The following ANK3 variants were observed in gnomAD, a reference collection of about 807,000 sequenced individuals.
ANK3 encodes the protein ankyrin 3.
A neutral mutation model predicts 370.9 loss-of-function variants in ANK3; 57 were observed. That is an observed-to-expected ratio of 0.15 (90% CI 0.12 to 0.19). The LOEUF is 0.19. Ranked by LOEUF, ANK3 falls within the 10% of genes least tolerant of loss-of-function variation. The pLI, the probability that ANK3 is intolerant of heterozygous loss-of-function variation, is 1.00. For synonymous variants in ANK3, 1,929 were observed against 1,946.3 expected (o/e 0.99, Z 0.23); for missense variants, 4,439 against 5,302.1 (o/e 0.84, Z 5.06).
At chr10:60,249,854 C>T (rs1239805456) in intron 7 of ANK3, among the ~76,000 whole-genome samples, 1 of 152,150 alleles carries the variant, frequency 6.6e-6, no homozygotes, top group Non-Finnish European at 1.5e-5. Context: ...CATGCCCCAC[C>T]AGCTCCACAG....
At chr10:60,210,145 C>A (rs1006481548) in intron 9 of ANK3, among the ~76,000 whole-genome samples, 3 of 152,092 alleles carry the variant, frequency 2.0e-5, no homozygotes, top group Non-Finnish European at 2.9e-5. Context: ...CTGTGTTCTG[C>A]GCATGAAAAT....
At chr10:60,282,844 A>G (rs1593017305) in intron 1 of ANK3, among the ~76,000 whole-genome samples, 2 of 152,284 alleles carry the variant, frequency 1.3e-5, no homozygotes, top group African/African-American at 2.4e-5. Context: ...AAGGGGGAAA[A>G]TGTAGAGAAA....
chr10:60,372,656 G>A (rs1354307988), intron 1 of ANK3, among the ~76,000 whole-genome samples: 2 of 152,174 alleles, frequency 1.3e-5, no homozygotes, highest in East Asian at 3.9e-4. Flanking sequence ...GCATAGAGCT[G>A]TTGTCAAGGA....
intron 1 of ANK3, among the ~76,000 whole-genome samples, chr10:60,722,746 A>T (rs10761551): frequency 0.31 from 47,379 of 151,928 alleles, 7,689 homozygotes; most frequent in South Asian, 0.48. Flanking sequence ...GATGAGTGAG[A>T]TCTCACTCAG....
intron 23 of ANK3, among the ~76,000 whole-genome samples, chr10:60,162,381 T>C (rs1329568324): frequency 6.6e-6 from 1 of 152,136 alleles, no homozygotes; most frequent in Non-Finnish European, 1.5e-5. Context: ...ACAAACCTCA[T>C]TGGAAAGACC....
Position 60,076,289 on chromosome 10 carries a change from G to A in ANK3, c.4592C>T (p.Thr1531Met), listed in dbSNP as rs1415381391. The change falls in exon 37 of 44, where the codon ACG becomes ATG. Residue 1531 changes from threonine (T) to methionine (M), a missense_variant. Thr to Met is a moderately conservative substitution (Grantham distance 81, BLOSUM62 -1). Around this residue, in one of 13 missense-constraint regions of ANK3, gnomAD observed 679 missense variants for 791.0 expected, o/e 0.86. Coordinates refer to ENST00000280772, the MANE Select transcript of ANK3 (RefSeq NM_020987.5). Reference sequence around the variant, plus strand: ...TGATTTTAACGGAGAAGCTGATGGCGTATTAGAGGAAGAACTTGATAAGGA... The same window carrying A: ...TGATTTTAACGGAGAAGCTGATGGCATATTAGAGGAAGAACTTGATAAGGA... ...FTSLSSSSSN[T>M]PSASPLKSIW... 4 of 1,614,088 alleles carry A rather than the reference G, an allele frequency of 2.5e-6. No homozygotes were observed. The highest frequency in any genetic ancestry group is 1.7e-5 in the Admixed American group (1 of 60,022).
intron 8 of ANK3, among the ~76,000 whole-genome samples, chr10:60,230,489 T>C (rs754037696): frequency 1.3e-5 from 2 of 152,252 alleles, no homozygotes; most frequent in Non-Finnish European, 2.9e-5. Flanking sequence ...ATTCTCTATA[T>C]ACTTACTATC....
rs150689247 is a variant in ANK3, at chr10:60,630,285, TTTTTA to T, written c.58-15066_58-15062del. On this transcript the variant is annotated intron_variant, in intron 1 of 43. Coordinates refer to the ANK3 transcript ENST00000373827. The stretch of plus-strand genomic sequence containing the variant: ...AAAAAAACTAAAATGTTTCTTTACA[TTTTTA>T]TTTTAAGACATTAGAGTTAATTATA... Among the ~76,000 whole-genome samples, 6 of 152,332 alleles carry T rather than the reference TTTTTA, an allele frequency of 3.9e-5. No individual in the cohort carries two copies. The East Asian group carries it at 5.8e-4, about 15-fold the overall frequency.
chr10:60,590,455 C>T (rs1158710144), intron 2 of ANK3, among the ~76,000 whole-genome samples: 1 of 152,084 alleles, frequency 6.6e-6, no homozygotes, highest in Non-Finnish European at 1.5e-5. Flanking sequence ...GAAAAGAAAA[C>T]TGGCCAAGAT....
At chr10:60,142,649 C>G (rs1319996192) in intron 23 of ANK3, among the ~76,000 whole-genome samples, 5 of 151,998 alleles carry the variant, frequency 3.3e-5, no homozygotes, top group Non-Finnish European at 1.5e-5. Flanking sequence ...ACTTCTTAGA[C>G]TTCAGAAATG....
At chr10:60,189,224 G>A (rs999171605) in intron 16 of ANK3, among the ~76,000 whole-genome samples, 1 of 152,174 alleles carries the variant, frequency 6.6e-6, no homozygotes, top group Non-Finnish European at 1.5e-5. Flanking sequence ...CAGGCATGGC[G>A]GTGCATGCCT....
intron 2 of ANK3, among the ~76,000 whole-genome samples, chr10:60,463,418 T>C (rs1595079778): frequency 6.6e-6 from 1 of 152,266 alleles, no homozygotes; most frequent in South Asian, 2.1e-4. Flanking sequence ...ACAAAAACAG[T>C]GGCTAGGTCA....
rs572200939 is a variant in ANK3 at position 60,421,403 on chromosome 10, AAAGGTTGC to A, written c.97-141772_97-141765del. Among the ~76,000 whole-genome samples, 179 of 152,200 alleles carry A rather than the reference AAAGGTTGC, an allele frequency of 1.2e-3. 1 individual carries two copies. The highest frequency in any genetic ancestry group is 4.2e-3 in the African/African-American group (176 of 41,540). On this transcript the variant is annotated intron_variant, in intron 2 of 43. Coordinates refer to the ANK3 transcript ENST00000373827. ...CTTAATAAACGTGGGGGAGGAAAGG[AAAGGTTGC>A]AATCTCTGAGTACTCCATGTAAACT...
At chr10:60,210,321 T>C (rs959245269) in intron 9 of ANK3, among the ~76,000 whole-genome samples, 1 of 150,464 alleles carries the variant, frequency 6.6e-6, no homozygotes, top group Non-Finnish European at 1.5e-5. Flanking sequence ...GTGGTGAAGA[T>C]GGGAGGGGTA....
intron 1 of ANK3, among the ~76,000 whole-genome samples, chr10:60,348,903 T>C (rs2132688428): frequency 6.6e-6 from 1 of 152,330 alleles, no homozygotes; most frequent in Middle Eastern, 3.4e-3. Context: ...CATTATCTGC[T>C]AAAATATCTT....
Position 60,026,428 on chromosome 10 carries a change from A to C in ANK3, c.*3418T>G, listed in dbSNP as rs1006873739. ...CAGCCTCTTCAAGCAAATCAAGAATACCAAGACTCACTCAGATATGAAGTT... is the reference window on the plus strand; with the variant it reads ...CAGCCTCTTCAAGCAAATCAAGAATCCCAAGACTCACTCAGATATGAAGTT... On this transcript the variant is annotated 3_prime_UTR_variant, in exon 44 of 44. Coordinates refer to ENST00000280772, the MANE Select transcript of ANK3 (RefSeq NM_020987.5). 1 of 152,240 alleles carries C rather than the reference A, an allele frequency of 6.6e-6. No homozygotes were observed. Among genetic ancestry groups the C allele is most frequent in the African/African-American group, 2.4e-5 (1 of 41,464 alleles). The allele number at this position is 152,240 out of a possible 1,614,324, so 9.4% of individuals were successfully genotyped here.
intron 1 of ANK3, among the ~76,000 whole-genome samples, chr10:60,382,058 T>C (rs2061621258): frequency 6.6e-6 from 1 of 152,192 alleles, no homozygotes; most frequent in African/African-American, 2.4e-5. Flanking sequence ...TTGTACTTTA[T>C]TAGGGTAAAA....
chr10:60,391,803 T>C (rs939788179), upstream of ANK3, among the ~76,000 whole-genome samples: 1 of 152,242 alleles, frequency 6.6e-6, no homozygotes, highest in African/African-American at 2.4e-5. Flanking sequence ...AACATACTTC[T>C]CTCTAGAATA....
chr10:60,068,003 T>C lies in ANK3; in HGVS notation c.12251A>G (p.Gln4084Arg). 1 of 1,606,288 alleles carries C rather than the reference T, an allele frequency of 6.2e-7. No homozygotes were observed. Among genetic ancestry groups the C allele is most frequent in the Non-Finnish European group, 8.5e-7 (1 of 1,173,806 alleles). The change falls in exon 38 of 44, where the codon CAG becomes CGG. Residue 4084 changes from glutamine (Q) to arginine (R), a missense_variant. Physicochemically the swap from Gln to Arg is conservative, Grantham distance 43. This residue lies in a region of ANK3 where 99 missense variants were observed against 150.7 expected (regional missense o/e 0.66). Coordinates refer to ENST00000280772, the MANE Select transcript of ANK3 (RefSeq NM_020987.5). The stretch of plus-strand genomic sequence containing the variant: ...GATATCTGTCCGTTCACATGGACTC[T>C]GTGGACCTACGATTTACAATTTCTT... ...EKRSSRRTGP[Q>R]SPCERTDIRM...
Sources: allele counts gnomAD v4.1 joint callset (sites outside exome capture counted in the v4.1 genomes callset), GRCh38; gene constraint gnomAD v4.1.1; regional missense constraint gnomAD v4.1.1; transcripts MANE v1.5; gene names NCBI Gene and HGNC (gene_info 2026-07-23, HGNC 2026-07-21).